Variants in TBC1D30 observed in about 807,000 individuals in gnomAD.
TBC1D30 encodes TBC1 domain family, member 30.
Under a neutral mutation model 63.2 loss-of-function variants are expected in TBC1D30, and 31 were observed. The ratio of observed to expected loss-of-function variants is 0.49; its 90% CI spans 0.37 to 0.66. The LOEUF (loss-of-function observed/expected upper bound fraction) is 0.66, where lower values mean the gene tolerates loss of function less well. TBC1D30 is among the 30% of genes least tolerant of loss of function. The pLI is 0.00. For missense variants in TBC1D30, 810 were observed against 953.6 expected, an observed-to-expected ratio of 0.85 and a Z score of 1.98; for synonymous variants, 307 against 361.5, an observed-to-expected ratio of 0.85 and a Z score of 1.71.
At chr12:64,835,560 G>A (rs1875271521) in intron 5 of TBC1D30, among the ~76,000 whole-genome samples, 1 of 152,162 alleles carries the variant, frequency 6.6e-6, no homozygotes, top group African/African-American at 2.4e-5. Context: ...TAGGGAATGG[G>A]TCAGGTACAT....
chr12:64,781,412 C>A, intron 1 of TBC1D30: 1 of 946,460 alleles, frequency 1.1e-6, no homozygotes, highest in Non-Finnish European at 1.3e-6. Flanking sequence ...CTCTTTGGAT[C>A]TGACGGTGGT....
chr12:64,834,697 C>T (rs552133112), intron 5 of TBC1D30, among the ~76,000 whole-genome samples: 1 of 149,080 alleles, frequency 6.7e-6, no homozygotes, highest in Admixed American at 6.7e-5. Context: ...GCATGAGCCA[C>T]CGTGCCGGGC....
chr12:64,872,217 G>A (rs538605477), intron 11 of TBC1D30, among the ~76,000 whole-genome samples: 46 of 152,162 alleles, frequency 3.0e-4, no homozygotes, highest in African/African-American at 9.2e-4. Flanking sequence ...TAGTAGAGAC[G>A]GGATTTCACC....
intron 5 of TBC1D30, among the ~76,000 whole-genome samples, chr12:64,834,984 A>G (rs1392565241): frequency 1.3e-5 from 2 of 152,108 alleles, no homozygotes; most frequent in Non-Finnish European, 2.9e-5. Flanking sequence ...TTGTCAGTGT[A>G]CATCCTTTAC....
intron 1 of TBC1D30, among the ~76,000 whole-genome samples, chr12:64,771,174 T>G (rs1870892956): frequency 6.6e-6 from 1 of 151,846 alleles, no homozygotes; most frequent in South Asian, 2.1e-4. Flanking sequence ...GCCCTTCTGC[T>G]TGGGCCATAT....
At position 64,878,694 on chromosome 12, in the gene TBC1D30, C is replaced by A; in HGVS notation, c.*2906C>A. The A allele has an allele frequency of 2.7e-6, 1 of 372,832 alleles. No homozygotes were observed. The highest frequency in any genetic ancestry group is 5.4e-6 in the Non-Finnish European group (1 of 186,398). The allele number at this position is 372,832 out of a possible 1,614,324, so 23.1% of individuals were successfully genotyped here. ...CTGTTGTGACAGTCCCTTCTCCCTT[C>A]TTCCTTCTTCCTTCACCCCCAACCC... On this transcript the variant is annotated 3_prime_UTR_variant, in exon 12 of 12. Transcript: ENST00000539867.
intron 2 of TBC1D30, among the ~76,000 whole-genome samples, chr12:64,812,134 T>C (rs1873252336): frequency 6.6e-6 from 1 of 152,206 alleles, no homozygotes; most frequent in Non-Finnish European, 1.5e-5. Flanking sequence ...TAATTTCCAA[T>C]ATTCTAACTA....
chr12:64,877,595 C>T lies in TBC1D30; in HGVS notation c.*1807C>T, dbSNP rs1879179125. On this transcript the variant is annotated 3_prime_UTR_variant, in exon 12 of 12. Coordinates refer to ENST00000539867, the MANE Select transcript of TBC1D30 (RefSeq NM_015279.2). ...TGAATTCTGTGCCATCTGAAGTTAG[C>T]ATCCAGCTTCTTAAAAAGCAGCCAC... The T allele has an allele frequency of 6.6e-6, 1 of 152,206 alleles. No individual in the cohort carries two copies. The highest frequency in any genetic ancestry group is 2.4e-5 in the African/African-American group (1 of 41,452). 9.4% of individuals were successfully genotyped at this position (152,206 alleles called of 1,614,324 possible).
At chr12:64,820,444 T>A (rs758555792), upstream of TBC1D30, among the ~76,000 whole-genome samples, 1 of 152,202 alleles carries the variant, frequency 6.6e-6, no homozygotes, top group Non-Finnish European at 1.5e-5. Context: ...TCTGTGACAT[T>A]CGGGGCATTT....
At chr12:64,785,199 T>C (rs1434699247) in intron 1 of TBC1D30, among the ~76,000 whole-genome samples, 1 of 151,058 alleles carries the variant, frequency 6.6e-6, no homozygotes, top group Admixed American at 6.6e-5. Flanking sequence ...TTGCCCAGGC[T>C]GGAGTGCAAT....
chr12:64,825,081 GC>G, intron 1 of TBC1D30, 48 bp downstream of exon 1: 2 of 1,503,036 alleles, frequency 1.3e-6, no homozygotes, highest in Non-Finnish European at 1.8e-6. Context: ...TAGCGCCGGG[GC>G]TGCCCGCGCT....
chr12:64,838,491 C>A (rs904375065), intron 6 of TBC1D30, among the ~76,000 whole-genome samples, 192 bp from the exon 7 acceptor site: 1 of 152,056 alleles, frequency 6.6e-6, no homozygotes. Context: ...TTTTGAAGTT[C>A]ATATTTGTTA....
chr12:64,875,660 A>C lies in TBC1D30; in HGVS notation c.2158A>C (p.Lys720Gln). Residue 720 changes from lysine to glutamine, a missense_variant, in exon 12 of 12, where the codon AAA becomes CAA. Coordinates refer to ENST00000539867, the MANE Select transcript of TBC1D30 (RefSeq NM_015279.2). ...TTTTCCCAGCGTCAAGCCCCTGCGG[A>C]AATCTGCTACTGCCAGGAACTTGGG... The part of the protein sequence containing the change: ...SPFPSVKPLR[K>Q]SATARNLGLY... 1.3e-6 allele frequency: 2 copies of C among 1,536,372 alleles called. No homozygotes were observed. Among genetic ancestry groups the C allele is most frequent in the Non-Finnish European group, 1.7e-6 (2 of 1,146,964 alleles).
intron 11 of TBC1D30, among the ~76,000 whole-genome samples, chr12:64,874,047 A>G: frequency 6.6e-6 from 1 of 152,246 alleles, no homozygotes; most frequent in Admixed American, 6.5e-5. Context: ...GCAGGTGGTC[A>G]ATGATAATGC....
chr12:64,776,615 A>G (rs1447916694), upstream of TBC1D30, among the ~76,000 whole-genome samples: 1 of 152,218 alleles, frequency 6.6e-6, no homozygotes, highest in Non-Finnish European at 1.5e-5. Context: ...GGCAGTAATA[A>G]ATAGCCTAAC....
chr12:64,864,987 A>C (rs1460731061), intron 9 of TBC1D30, among the ~76,000 whole-genome samples: 3 of 152,182 alleles, frequency 2.0e-5, no homozygotes, highest in Admixed American at 1.3e-4. Flanking sequence ...ACGTAAACTG[A>C]AGAGAGATTT....
chr12:64,862,161 A>G (rs1877845523), intron 8 of TBC1D30, among the ~76,000 whole-genome samples: 2 of 152,204 alleles, frequency 1.3e-5, no homozygotes, highest in Admixed American at 6.5e-5. Context: ...TGATTAGTCA[A>G]ATCTCTTTCT....
chr12:64,800,601 G>A lies in TBC1D30; in HGVS notation c.643+14556G>A, dbSNP rs563147189. Among the ~76,000 whole-genome samples the A allele has an allele frequency of 1.6e-4, 25 of 152,140 alleles. No individual in the cohort carries two copies. The South Asian group carries it at 5.0e-3, about 30-fold the overall frequency. On this transcript the variant is annotated intron_variant, in intron 2 of 12. Coordinates refer to the TBC1D30 transcript ENST00000542120. ...GGATGTGAGGGCTTGAGTAAGATGT[G>A]GGAGGCTGCAGCAGAGATCCCTCAG...
intron 8 of TBC1D30, among the ~76,000 whole-genome samples, chr12:64,854,498 C>CTT (rs71278243): frequency 0.034 from 4,750 of 138,786 alleles, 298 homozygotes; most frequent in African/African-American, 0.12. Context: ...CTTTTTCTTT[C>CTT]TTTTTTTTTT....
Sources: allele counts gnomAD v4.1 joint callset (sites outside exome capture counted in the v4.1 genomes callset), GRCh38; gene constraint gnomAD v4.1.1; transcripts MANE v1.5; gene names NCBI Gene and HGNC (gene_info 2026-07-23, HGNC 2026-07-21).